DPP6: variants seen among roughly 807,000 people sequenced by gnomAD.
The protein encoded by DPP6 is dipeptidyl peptidase like 6.
DPP6 carries 69 observed loss-of-function variants against 122.6 expected under a neutral mutation model. The ratio of observed to expected loss-of-function variants is 0.56; its 90% CI spans 0.46 to 0.69. DPP6 has a LOEUF of 0.69. Ranked by LOEUF, DPP6 falls within the 30% of genes least tolerant of loss-of-function variation. The pLI is 0.00. For missense variants in DPP6, 928 were observed against 1,116.9 expected (o/e 0.83, Z 2.41); for synonymous variants, 418 against 433.1 (o/e 0.97, Z 0.43).
chr7:154,536,921 A>G (rs1042723138), intron 3 of DPP6, among the ~76,000 whole-genome samples: 5 of 152,186 alleles, frequency 3.3e-5, no homozygotes, highest in East Asian at 3.8e-4. Context: ...CCATACATTC[A>G]TGTCATTTCC....
intron 1 of DPP6, among the ~76,000 whole-genome samples, chr7:154,164,785 G>A (rs1336645144): frequency 6.6e-6 from 1 of 152,108 alleles, no homozygotes; most frequent in African/African-American, 2.4e-5. Flanking sequence ...GTTACAGAAT[G>A]TATCTAAACT....
intron 1 of DPP6, among the ~76,000 whole-genome samples, chr7:154,285,176 A>C (rs1163637415): frequency 1.3e-5 from 2 of 152,224 alleles, no homozygotes; most frequent in Non-Finnish European, 2.9e-5. Flanking sequence ...ATACACTGAA[A>C]TAAAACTGCT....
At chr7:154,395,214 T>C (rs562073032) in intron 1 of DPP6, among the ~76,000 whole-genome samples, 1 of 152,322 alleles carries the variant, frequency 6.6e-6, no homozygotes, top group South Asian at 2.1e-4. Context: ...TCTAATCTTA[T>C]CCGTGAACAT....
intron 1 of DPP6, among the ~76,000 whole-genome samples, chr7:154,438,339 G>A (rs1357517119): frequency 1.3e-5 from 2 of 151,194 alleles, no homozygotes; most frequent in East Asian, 1.9e-4. Flanking sequence ...GCGTGGTGGC[G>A]GGAGCCTGTA....
chr7:154,808,389 G>A (rs577157238), intron 16 of DPP6, among the ~76,000 whole-genome samples: 2 of 152,120 alleles, frequency 1.3e-5, no homozygotes, highest in Admixed American at 1.3e-4. Flanking sequence ...GGAGGGATGA[G>A]GGGGGTGCGA....
the DPP6 span, among the ~76,000 whole-genome samples, chr7:153,796,750 G>A: frequency 6.6e-6 from 1 of 152,118 alleles, no homozygotes; most frequent in Non-Finnish European, 1.5e-5. Flanking sequence ...TGCAGCCACA[G>A]TAAAATCTCT....
intron 1 of DPP6, among the ~76,000 whole-genome samples, chr7:154,250,703 G>A (rs940895610): frequency 6.6e-6 from 1 of 152,154 alleles, no homozygotes; most frequent in Non-Finnish European, 1.5e-5. Context: ...CTGGCAAAGA[G>A]AAAAATTAGT....
chr7:154,561,391 TAC>T (rs1830418695), intron 4 of DPP6, among the ~76,000 whole-genome samples: 1 of 152,184 alleles, frequency 6.6e-6, no homozygotes, highest in Non-Finnish European at 1.5e-5. Flanking sequence ...ATGGAAATTA[TAC>T]AAAGTATGTT....
rs527904628 is a variant in DPP6, at chr7:154,028,839, C to T, written c.51+141105C>T. On this transcript the variant is annotated intron_variant, in intron 1 of 25. Coordinates refer to the DPP6 transcript ENST00000404039. ...TTCCTGATGCCTCTGACCCCTGACA[C>T]TGTGTGCTGCCCGCAGCCAGAGGAA... Among the ~76,000 whole-genome samples the T allele has an allele frequency of 7.1e-3, 1,077 of 152,218 alleles. 2 individuals carry two copies. The highest frequency in any genetic ancestry group is 9.0e-3 in the Non-Finnish European group (614 of 68,016).
rs141536304 is a variant in DPP6, at chr7:154,556,201, G to A, written c.553-10641G>A. On this transcript the variant is annotated intron_variant, in intron 4 of 25. Transcript: ENST00000377770. ...GTATTGTAATTACTTTATTAAATTT[G>A]TGTATCAATTATGAGGTAGGTACAA... is the stretch of plus-strand genomic sequence containing the variant. 3.4e-3 allele frequency among the ~76,000 whole-genome samples: 511 copies of A among 152,210 alleles called. 6 individuals are homozygous for A. The highest frequency in any genetic ancestry group is 0.012 in the African/African-American group (491 of 41,524).
intron 1 of DPP6, among the ~76,000 whole-genome samples, chr7:154,424,072 A>G (rs886173579): frequency 5.3e-5 from 8 of 152,228 alleles, no homozygotes; most frequent in Admixed American, 5.2e-4. Context: ...TAAAAATGAT[A>G]CTATCCTCTC....
At chr7:154,263,595 C>A (rs955668179) in intron 1 of DPP6, among the ~76,000 whole-genome samples, 9 of 152,192 alleles carry the variant, frequency 5.9e-5, no homozygotes, top group African/African-American at 2.2e-4. Context: ...ACACCTATTT[C>A]TGCACTTCCT....
chr7:154,790,565 G>A (rs1225613015), intron 10 of DPP6, among the ~76,000 whole-genome samples: 1 of 151,700 alleles, frequency 6.6e-6, no homozygotes, highest in Non-Finnish European at 1.5e-5. Context: ...CATCTCTAAG[G>A]GTGCCACCAG....
At chr7:154,097,796 T>C (rs1187439509) in intron 1 of DPP6, among the ~76,000 whole-genome samples, 6 of 152,164 alleles carry the variant, frequency 3.9e-5, no homozygotes, top group African/African-American at 1.4e-4. Flanking sequence ...CAGGCTCTCT[T>C]ATGTGGCCTC....
rs888005394 is a variant in DPP6, at chr7:154,760,168, ACT to A, written c.884-9246_884-9245del. On this transcript the variant is annotated intron_variant, in intron 8 of 25. Coordinates refer to ENST00000377770, the MANE Select transcript of DPP6 (RefSeq NM_130797.4). The surrounding 1 kb of genome is among the most constrained non-coding windows in gnomAD (Gnocchi z 4.5). ...CCCAAGGAGACAGGCATCCAGCTCA[ACT>A]CTGCCTCCCTGTGCTGGCTTCAAGG... Among the ~76,000 whole-genome samples, 1 of 152,174 alleles carries A rather than the reference ACT, an allele frequency of 6.6e-6. No individual in the cohort carries two copies. Among genetic ancestry groups the A allele is most frequent in the African/African-American group, 2.4e-5 (1 of 41,452 alleles).
intron 1 of DPP6, among the ~76,000 whole-genome samples, chr7:154,229,902 G>A (rs1372286750): frequency 6.6e-6 from 1 of 151,386 alleles, no homozygotes; most frequent in Non-Finnish European, 1.5e-5. Context: ...ATGCATAGTT[G>A]GTTTTTATAA....
intron 1 of DPP6, among the ~76,000 whole-genome samples, chr7:154,062,041 C>A (rs1231072983): frequency 9.2e-6 from 1 of 108,414 alleles, no homozygotes; most frequent in Non-Finnish European, 1.9e-5. Context: ...CCCCGCGAGG[C>A]AGGGACTGAC....
chr7:154,037,320 C>A (rs1283216571), intron 1 of DPP6, among the ~76,000 whole-genome samples: 6 of 152,058 alleles, frequency 3.9e-5, no homozygotes, highest in Non-Finnish European at 7.3e-5. Context: ...TGAAACACAG[C>A]TGCTCCTGGC....
chr7:154,060,310 TTA>T (rs1801557296), intron 1 of DPP6, among the ~76,000 whole-genome samples: 6 of 134,336 alleles, frequency 4.5e-5, no homozygotes, highest in East Asian at 2.2e-4. Flanking sequence ...CCCCTGGCTC[TTA>T]GGACCCCCAT....
Sources: gnomAD v4.1 joint callset for allele counts (sites outside exome capture counted in the v4.1 genomes callset) on GRCh38, gnomAD v4.1.1 for gene constraint, Gnocchi (gnomAD v3.1) non-coding constraint, MANE v1.5 for transcripts, NCBI Gene and HGNC (gene_info 2026-07-23, HGNC 2026-07-21) for gene names.